PCDHGA4: variants seen among roughly 807,000 people sequenced by gnomAD.
The protein encoded by PCDHGA4 is protocadherin gamma-A4.
A neutral mutation model predicts 54.6 loss-of-function variants in PCDHGA4; 38 were observed. The ratio of observed to expected loss-of-function variants is 0.70; its 90% CI spans 0.54 to 0.91. The LOEUF (loss-of-function observed/expected upper bound fraction) is 0.91, where lower values mean the gene tolerates loss of function less well. Ranked by LOEUF, PCDHGA4 falls within the 40% of genes least tolerant of loss-of-function variation. The pLI is 0.00. For synonymous variants in PCDHGA4, 511 were observed against 512.9 expected, an observed-to-expected ratio of 1.00 and a Z score of 0.05; for missense variants, 1,298 against 1,220.9, an observed-to-expected ratio of 1.06 and a Z score of -0.94.
chr5:141,382,945 C>A, intron 1 of PCDHGA4: 1 of 1,597,008 alleles, frequency 6.3e-7, no homozygotes, highest in Non-Finnish European at 8.6e-7. Flanking sequence ...ATTCTTCCTG[C>A]TCTCCATCCT....
intron 1 of PCDHGA4, chr5:141,404,621 G>T: frequency 6.2e-7 from 1 of 1,614,174 alleles, no homozygotes; most frequent in South Asian, 1.1e-5. Context: ...GGACCAGAAT[G>T]ACAATGCCCC....
In PCDHGA4 at chr5:141,431,955, GA is replaced by G; in HGVS notation, c.2515-62849del. ...CCCTTTAAATTAGAAAAATCTTACG[GA>G]AATTACTATAGTTTAGTCACAGACA... On this transcript the variant is annotated intron_variant, in intron 1 of 3. Coordinates refer to ENST00000571252, the MANE Select transcript of PCDHGA4 (RefSeq NM_018917.4). The surrounding 1 kb of genome is among the most constrained non-coding windows in gnomAD (Gnocchi z 4.8). The G allele has an allele frequency of 6.2e-7, 1 of 1,614,142 alleles. No homozygotes were observed. Among genetic ancestry groups the G allele is most frequent in the Non-Finnish European group, 8.5e-7 (1 of 1,180,024 alleles).
intron 1 of PCDHGA4, chr5:141,376,482 C>T (rs768933228): frequency 4.3e-6 from 7 of 1,614,148 alleles, no homozygotes; most frequent in South Asian, 1.1e-5. Context: ...TTACTTGAAA[C>T]GAAAGGAGAA....
chr5:141,370,462 C>T lies in PCDHGA4; in HGVS notation c.2514+12841C>T. 1.9e-6 allele frequency: 3 copies of T among 1,612,864 alleles called. No homozygotes were observed. In the South Asian group the frequency reaches 3.3e-5, roughly 18 times the overall value. Reference sequence around the variant, plus strand: ...CGAATGCTATTTCTCTTCCTGCTCTCTTTGTTAGACCAGGCTCTCTCCGAA... The same window carrying T: ...CGAATGCTATTTCTCTTCCTGCTCTTTTTGTTAGACCAGGCTCTCTCCGAA... On this transcript the variant is annotated intron_variant, in intron 1 of 3. Coordinates refer to ENST00000571252, the MANE Select transcript of PCDHGA4 (RefSeq NM_018917.4).
intron 1 of PCDHGA4, chr5:141,362,503 A>C: frequency 6.2e-7 from 1 of 1,614,050 alleles, no homozygotes; most frequent in South Asian, 1.1e-5. Context: ...TTGGGAACAA[A>C]ATACAAATCA....
In PCDHGA4 at chr5:141,395,543, TG is replaced by T. The variant is rs1247307480; in HGVS notation, c.2514+37923del. 6.3e-3 allele frequency: 52 copies of T among 8,206 alleles called. 1 individual carries two copies. The highest frequency in any genetic ancestry group is 0.048 in the African/African-American group (46 of 952). 0.5% of individuals were successfully genotyped at this position (8,206 alleles called of 1,614,324 possible). On this transcript the variant is annotated intron_variant, in intron 1 of 3. Coordinates refer to ENST00000571252, the MANE Select transcript of PCDHGA4 (RefSeq NM_018917.4). ...CCATACTGGTAATTTTGCTATTGTT[TG>T]TGTGTGTGTGTGTGTGTGTGTGTGT...
intron 1 of PCDHGA4, chr5:141,410,718 TA>T: frequency 7.1e-7 from 1 of 1,402,688 alleles, no homozygotes; most frequent in Non-Finnish European, 9.6e-7. Context: ...ATCATATGTT[TA>T]AAATCCATAG....
At chr5:141,510,695 C>T (rs1023505006) in intron 3 of PCDHGA4, among the ~76,000 whole-genome samples, 1 of 152,166 alleles carries the variant, frequency 6.6e-6, no homozygotes, top group Non-Finnish European at 1.5e-5. Context: ...GTTAGGTAGA[C>T]TTGCCCAGGA....
intron 1 of PCDHGA4, chr5:141,394,255 G>A (rs1321065161): frequency 6.2e-7 from 1 of 1,613,934 alleles, no homozygotes; most frequent in South Asian, 1.1e-5. Flanking sequence ...GACCCCGACA[G>A]CCAGGAGAAT....
At chr5:141,445,575 G>A (rs571896159) in intron 1 of PCDHGA4, among the ~76,000 whole-genome samples, 18 of 152,262 alleles carry the variant, frequency 1.2e-4, no homozygotes, top group African/African-American at 4.3e-4. Flanking sequence ...CTTATAGTAG[G>A]GAAGCTTCGC....
chr5:141,404,897 C>T, intron 1 of PCDHGA4: 2 of 1,613,920 alleles, frequency 1.2e-6, no homozygotes, highest in Non-Finnish European at 1.7e-6. Flanking sequence ...TGTACAGGAC[C>T]ATGGCCAGCC....
At position 141,408,387 on chromosome 5, in the gene PCDHGA4, C is replaced by T. The variant is rs774250271; in HGVS notation, c.2514+50766C>T. Reference sequence around the variant, plus strand: ...CTAGGGCTCAGTGTCCTGGATGTGTCGGCTCGCAAGCTGCGAGTGAGCGCG... The same window carrying T: ...CTAGGGCTCAGTGTCCTGGATGTGTTGGCTCGCAAGCTGCGAGTGAGCGCG... On this transcript the variant is annotated intron_variant, in intron 1 of 3. Transcript: ENST00000571252. 1.2e-5 allele frequency: 20 copies of T among 1,613,890 alleles called. No homozygotes were observed. Among genetic ancestry groups the T allele is most frequent in the Non-Finnish European group, 1.6e-5 (19 of 1,179,880 alleles).
intron 1 of PCDHGA4, chr5:141,393,217 T>C (rs760159490): frequency 1.2e-6 from 2 of 1,613,564 alleles, no homozygotes; most frequent in Admixed American, 3.3e-5. Flanking sequence ...AAATTCCAGG[T>C]CGAAGATCTA....
At chr5:141,427,280 A>G (rs1351534612) in intron 1 of PCDHGA4, 3 of 456,834 alleles carry the variant, frequency 6.6e-6, no homozygotes, top group Non-Finnish European at 8.8e-6. Context: ...GTAAAATTAT[A>G]CTAGAAATCC....
intron 1 of PCDHGA4, among the ~76,000 whole-genome samples, chr5:141,444,106 G>A (rs2098417269): frequency 7.6e-6 from 1 of 131,112 alleles, no homozygotes; most frequent in South Asian, 2.6e-4. Flanking sequence ...TGGAAACCAA[G>A]AAAAGTGAAG....
At chr5:141,430,950 T>C (rs756423770) in intron 1 of PCDHGA4, 5 of 1,609,980 alleles carry the variant, frequency 3.1e-6, no homozygotes, top group East Asian at 2.2e-5. Flanking sequence ...GAGCGCGGAG[T>C]CCGCATCATC....
At chr5:141,400,903 T>C (rs1489476752) in intron 1 of PCDHGA4, among the ~76,000 whole-genome samples, 1 of 152,258 alleles carries the variant, frequency 6.6e-6, no homozygotes, top group Non-Finnish European at 1.5e-5. Flanking sequence ...TTAATTCATC[T>C]TTTAAAGCAA....
intron 1 of PCDHGA4, chr5:141,390,545 A>G (rs62378444): frequency 2.0e-6 from 1 of 505,936 alleles, no homozygotes; most frequent in African/African-American, 1.9e-5. Context: ...CCACAAAGTG[A>G]AAGTGTTAGA....
intron 1 of PCDHGA4, chr5:141,374,885 G>T: frequency 6.2e-7 from 1 of 1,613,628 alleles, no homozygotes; most frequent in South Asian, 1.1e-5. Flanking sequence ...GACTGCCACC[G>T]ACCAGGATGA....
Sources: allele counts gnomAD v4.1 joint callset (sites outside exome capture counted in the v4.1 genomes callset), GRCh38; gene constraint gnomAD v4.1.1; non-coding constraint Gnocchi (gnomAD v3.1); transcripts MANE v1.5; gene names NCBI Gene and HGNC (gene_info 2026-07-23, HGNC 2026-07-21).